The following PLCB1 variants were observed in gnomAD, a reference collection of about 807,000 sequenced individuals.
PLCB1 encodes 1-phosphatidylinositol 4,5-bisphosphate phosphodiesterase beta-1.
In PLCB1, 46 loss-of-function variants were observed where a neutral mutation model predicts 161.8. The ratio of observed to expected loss-of-function variants is 0.28; its 90% CI spans 0.22 to 0.36. PLCB1 has a LOEUF of 0.36. Ranked by LOEUF, PLCB1 falls within the 10% of genes least tolerant of loss-of-function variation. PLCB1 has a pLI of 1.00. For missense variants in PLCB1, 1,016 were observed against 1,472.5 expected, an observed-to-expected ratio of 0.69 and a Z score of 5.07; for synonymous variants, 517 against 503.7, an observed-to-expected ratio of 1.03 and a Z score of -0.35.
At chr20:8,524,127 C>T (rs1386088321) in intron 3 of PLCB1, among the ~76,000 whole-genome samples, 2 of 152,034 alleles carry the variant, frequency 1.3e-5, no homozygotes, top group East Asian at 3.8e-4. Flanking sequence ...TAAAAGCCTT[C>T]ATATCCAAAA....
intron 1 of PLCB1, among the ~76,000 whole-genome samples, chr20:8,149,959 A>C (rs1264435949): frequency 1.3e-5 from 2 of 152,146 alleles, no homozygotes; most frequent in Non-Finnish European, 2.9e-5. Context: ...ATTTTAGTTA[A>C]TATTAATCAT....
At chr20:8,494,677 C>A (rs894188008) in intron 3 of PLCB1, among the ~76,000 whole-genome samples, 2 of 151,780 alleles carry the variant, frequency 1.3e-5, no homozygotes, top group Non-Finnish European at 2.9e-5. Context: ...CTACTTCTTT[C>A]TTCTTGCTCA....
chr20:8,711,676 A>G (rs1345970652), intron 12 of PLCB1, among the ~76,000 whole-genome samples: 1 of 152,178 alleles, frequency 6.6e-6, no homozygotes, highest in Non-Finnish European at 1.5e-5. Flanking sequence ...TTCAGCCACC[A>G]TTCTTTCCTG....
At chr20:8,342,612 T>C (rs2122227783) in intron 2 of PLCB1, among the ~76,000 whole-genome samples, 1 of 152,282 alleles carries the variant, frequency 6.6e-6, no homozygotes, top group East Asian at 1.9e-4. Flanking sequence ...GAACTGTTGA[T>C]CTGTTACTGG....
chr20:8,684,237 T>TTTA (rs1491145065), intron 9 of PLCB1, among the ~76,000 whole-genome samples: 2 of 144,920 alleles, frequency 1.4e-5, no homozygotes, highest in Non-Finnish European at 3.1e-5. Flanking sequence ...AAATTATTTA[T>TTTA]TTATTTATTT....
chr20:8,545,769 C>T (rs1985514702), intron 3 of PLCB1, among the ~76,000 whole-genome samples: 1 of 152,092 alleles, frequency 6.6e-6, no homozygotes, highest in Non-Finnish European at 1.5e-5. Context: ...GACATGCTGA[C>T]TTAGTGGTGC....
chr20:8,220,053 G>A (rs905010719), intron 2 of PLCB1, among the ~76,000 whole-genome samples: 1 of 152,058 alleles, frequency 6.6e-6, no homozygotes, highest in Admixed American at 6.6e-5. Context: ...TTATTTGTGG[G>A]GTGGTGGATT....
intron 31 of PLCB1, among the ~76,000 whole-genome samples, chr20:8,829,624 C>CTGAT (rs1985886149): frequency 6.6e-6 from 1 of 152,170 alleles, no homozygotes; most frequent in African/African-American, 2.4e-5. Context: ...AGTCCATGGA[C>CTGAT]TGATATTTTC....
intron 2 of PLCB1, among the ~76,000 whole-genome samples, chr20:8,293,394 G>A (rs936177134): frequency 4.6e-5 from 7 of 151,956 alleles, no homozygotes; most frequent in African/African-American, 1.2e-4. Flanking sequence ...TCAGTATACC[G>A]GAGAATTATT....
chr20:8,640,453 T>C (rs1334695558), intron 4 of PLCB1, among the ~76,000 whole-genome samples: 1 of 152,208 alleles, frequency 6.6e-6, no homozygotes, highest in Non-Finnish European at 1.5e-5. Context: ...AGACCCCGCT[T>C]ACATTTATTG....
At chr20:8,167,108 A>G (rs1228340822) in intron 2 of PLCB1, among the ~76,000 whole-genome samples, 1 of 152,126 alleles carries the variant, frequency 6.6e-6, no homozygotes, top group African/African-American at 2.4e-5. Flanking sequence ...CGAGATATGG[A>G]TACTTCATCA....
At chr20:8,877,007 G>T (rs1245671715) in intron 31 of PLCB1, among the ~76,000 whole-genome samples, 1 of 152,108 alleles carries the variant, frequency 6.6e-6, no homozygotes, top group East Asian at 1.9e-4. Flanking sequence ...GATGGGATGA[G>T]CTGCAAAGTC....
At chr20:8,447,872 A>C (rs1980906121) in intron 3 of PLCB1, among the ~76,000 whole-genome samples, 1 of 152,164 alleles carries the variant, frequency 6.6e-6, no homozygotes, top group Admixed American at 6.5e-5. Context: ...TTCCCTTTGC[A>C]CTCTACAATT....
At chr20:8,498,888 T>C (rs73899114) in intron 3 of PLCB1, among the ~76,000 whole-genome samples, 4,612 of 152,268 alleles carry the variant, frequency 0.03, 232 homozygotes, top group African/African-American at 0.1. Context: ...GGCTTATTTC[T>C]GTGTCACATG....
intron 31 of PLCB1, among the ~76,000 whole-genome samples, chr20:8,803,147 G>A (rs956627030): frequency 6.6e-5 from 10 of 152,074 alleles, no homozygotes; most frequent in African/African-American, 2.2e-4. Flanking sequence ...TTGTTGCTCT[G>A]GCTCAGAGCT....
chr20:8,764,995 C>T (rs1982239574), intron 25 of PLCB1, 144 bp from the exon 26 acceptor site: 1 of 652,778 alleles, frequency 1.5e-6, no homozygotes, highest in South Asian at 2.1e-5. Flanking sequence ...CAGACTGGAA[C>T]CCAGGTAGAG....
chr20:8,707,238 T>C (rs1202954858), intron 11 of PLCB1, among the ~76,000 whole-genome samples: 1 of 152,170 alleles, frequency 6.6e-6, no homozygotes, highest in Non-Finnish European at 1.5e-5. Context: ...GCCTTACTTA[T>C]ACTCTGGGGC....
intron 13 of PLCB1, 87 bp downstream of exon 13, chr20:8,716,435 T>G: frequency 1.0e-6 from 1 of 965,356 alleles, no homozygotes; most frequent in South Asian, 1.4e-5. Context: ...TTTTCATATT[T>G]ATGTTTCTTG....
chr20:8,457,514 TCA>T (rs1981369572), intron 3 of PLCB1, among the ~76,000 whole-genome samples: 1 of 152,182 alleles, frequency 6.6e-6, no homozygotes, highest in Admixed American at 6.5e-5. Flanking sequence ...CCAGCTTCCA[TCA>T]CACTGCTAGA....
Sources: gnomAD v4.1 joint callset for allele counts (sites outside exome capture counted in the v4.1 genomes callset) on GRCh38, gnomAD v4.1.1 for gene constraint, MANE v1.5 for transcripts, NCBI Gene and HGNC (gene_info 2026-07-23, HGNC 2026-07-21) for gene names.